Variants in FAM117B observed in about 807,000 individuals in gnomAD.
FAM117B encodes the protein family with sequence similarity 117 member B.
Under a neutral mutation model 52.8 loss-of-function variants are expected in FAM117B, and 22 were observed. That is an observed-to-expected ratio of 0.42 (90% confidence interval 0.30 to 0.59). The LOEUF (loss-of-function observed/expected upper bound fraction) is 0.59. FAM117B is among the 20% of genes least tolerant of loss of function. The pLI is 0.22. For missense variants in FAM117B, 678 were observed against 802.6 expected (o/e 0.84, Z 1.88); for synonymous variants, 309 against 324.1 (o/e 0.95, Z 0.50).
chr2:202,661,021 G>A (rs1295918978), intron 1 of FAM117B, among the ~76,000 whole-genome samples: 1 of 152,174 alleles, frequency 6.6e-6, no homozygotes, highest in African/African-American at 2.4e-5. Flanking sequence ...GTTTCTCCTG[G>A]ACTTTTTCCT....
chr2:202,741,090 A>C (rs1280937677), intron 4 of FAM117B, among the ~76,000 whole-genome samples: 1 of 152,150 alleles, frequency 6.6e-6, no homozygotes, highest in Non-Finnish European at 1.5e-5. Flanking sequence ...GGTATTAACT[A>C]ATACAGTTAG....
At chr2:202,668,096 T>C (rs1418708801) in intron 1 of FAM117B, among the ~76,000 whole-genome samples, 2 of 144,928 alleles carry the variant, frequency 1.4e-5, no homozygotes, top group Non-Finnish European at 3.0e-5. Context: ...TTTATAAAAA[T>C]ATATTTATAT....
chr2:202,657,540 G>C (rs1159066012), intron 1 of FAM117B, among the ~76,000 whole-genome samples: 1 of 152,124 alleles, frequency 6.6e-6, no homozygotes, highest in African/African-American at 2.4e-5. Flanking sequence ...ATGCTGGAAT[G>C]CAGTGGCACA....
intron 1 of FAM117B, among the ~76,000 whole-genome samples, chr2:202,658,134 A>C (rs188839525): frequency 1.7e-4 from 26 of 152,248 alleles, no homozygotes; most frequent in African/African-American, 5.8e-4. Flanking sequence ...TAAGGGGAGA[A>C]AAATGTTTTA....
At chr2:202,683,269 C>T (rs1323266173) in intron 1 of FAM117B, among the ~76,000 whole-genome samples, 1 of 151,744 alleles carries the variant, frequency 6.6e-6, no homozygotes, top group African/African-American at 2.4e-5. Context: ...GCGGAGGGTA[C>T]AGTCAGCCGA....
chr2:202,740,577 C>T (rs888246204), intron 4 of FAM117B, among the ~76,000 whole-genome samples: 1 of 151,992 alleles, frequency 6.6e-6, no homozygotes, highest in South Asian at 2.1e-4. Context: ...CCAGCTGCTG[C>T]CTAATTATTA....
chr2:202,680,857 A>G (rs926376307), intron 1 of FAM117B, among the ~76,000 whole-genome samples: 1 of 152,222 alleles, frequency 6.6e-6, no homozygotes, highest in African/African-American at 2.4e-5. Context: ...AAGGAAAATG[A>G]TCTCTGATAG....
intron 4 of FAM117B, 28 bp from the exon 5 acceptor site, chr2:202,755,510 C>G: frequency 6.2e-7 from 1 of 1,609,322 alleles, no homozygotes; most frequent in Non-Finnish European, 8.5e-7. Context: ...TAATGTTAAG[C>G]CTCTCTTCTC....
intron 1 of FAM117B, among the ~76,000 whole-genome samples, chr2:202,684,568 T>G (rs1690510746): frequency 6.6e-6 from 1 of 152,212 alleles, no homozygotes; most frequent in Non-Finnish European, 1.5e-5. Flanking sequence ...TTGTTTGAAA[T>G]CATTATGCCC....
At chr2:202,700,207 T>C (rs1183849322) in intron 2 of FAM117B, among the ~76,000 whole-genome samples, 1 of 152,184 alleles carries the variant, frequency 6.6e-6, no homozygotes, top group Non-Finnish European at 1.5e-5. Flanking sequence ...AAGCTAGACA[T>C]GATTGAGCTT....
At position 202,644,064 on chromosome 2, in the gene FAM117B, G is replaced by GTTTTT. The variant is rs1161026426; in HGVS notation, c.601+8292_601+8296dup. On this transcript the variant is annotated intron_variant, in intron 1 of 7. Transcript: ENST00000392238. Reference sequence around the variant, plus strand: ...CTGCTTTAGGAGCTGTTTTTTTTTTGTTTTTTTTTTTTTTTTTTTTCAGTT... The same window carrying GTTTTT: ...CTGCTTTAGGAGCTGTTTTTTTTTTGTTTTTTTTTTTTTTTTTTTTTTTTTCAGTT... 7.4e-5 allele frequency among the ~76,000 whole-genome samples: 7 copies of GTTTTT among 95,136 alleles called. 1 individual carries two copies. Among genetic ancestry groups the GTTTTT allele is most frequent in the African/African-American group, 2.3e-4 (5 of 22,202 alleles). The allele number at this position is 95,136 out of a possible 152,430, so 62.4% of individuals were successfully genotyped here.
chr2:202,757,420 G>C lies in FAM117B; in HGVS notation c.1312G>C (p.Val438Leu). The C allele has an allele frequency of 6.2e-7, 1 of 1,614,020 alleles. No individual in the cohort carries two copies. Among genetic ancestry groups the C allele is most frequent in the Non-Finnish European group, 8.5e-7 (1 of 1,179,992 alleles). ...ESPCSADDLLVDPRDKENGNN... is the reference protein window; with the variant it reads ...ESPCSADDLLLDPRDKENGNN... Reference sequence around the variant, plus strand: ...TCCTTGCTCAGCGGATGACCTGCTTGTTGATCCCAGAGATAAAGGTACAGT... The same window carrying C: ...TCCTTGCTCAGCGGATGACCTGCTTCTTGATCCCAGAGATAAAGGTACAGT... Residue 438 changes from valine to leucine, a missense_variant, in exon 6 of 8, where the codon GTT (valine) becomes CTT (leucine). Val to Leu is a conservative substitution (Grantham distance 32). This residue lies in a region of FAM117B where 583 missense variants were observed against 644.8 expected (regional missense o/e 0.90). Transcript: ENST00000392238.
chr2:202,667,560 C>T (rs1485290712), intron 1 of FAM117B, among the ~76,000 whole-genome samples: 1 of 152,022 alleles, frequency 6.6e-6, no homozygotes, highest in African/African-American at 2.4e-5. Context: ...CCAATTATTA[C>T]AATGAAGGTG....
At position 202,719,886 on chromosome 2, in the gene FAM117B, T is replaced by C. The variant is rs936200638; in HGVS notation, c.754-5031T>C. Reference sequence around the variant, plus strand: ...TGTAGACCAGTATTTTTTTGAATGTTGTCAACTTGGGTTTATATATTCCTT... The same window carrying C: ...TGTAGACCAGTATTTTTTTGAATGTCGTCAACTTGGGTTTATATATTCCTT... On this transcript the variant is annotated intron_variant, in intron 2 of 7. Transcript: ENST00000392238. Among the ~76,000 whole-genome samples, 7 of 152,272 alleles carry C rather than the reference T, an allele frequency of 4.6e-5. No individual in the cohort carries two copies. The East Asian group carries it at 1.2e-3, about 25-fold the overall frequency.
chr2:202,732,956 A>G (rs1465956366), intron 4 of FAM117B, among the ~76,000 whole-genome samples: 1 of 151,584 alleles, frequency 6.6e-6, no homozygotes, highest in Non-Finnish European at 1.5e-5. Context: ...ACCCATAGAG[A>G]TAGAGAATAG....
chr2:202,733,856 A>T (rs1413188640), intron 4 of FAM117B, among the ~76,000 whole-genome samples: 1 of 152,234 alleles, frequency 6.6e-6, no homozygotes, highest in Non-Finnish European at 1.5e-5. Flanking sequence ...TACAAAGATA[A>T]CAGGATTAAG....
Position 202,766,326 on chromosome 2 carries a change from TGTTGAC to T in FAM117B, c.*566_*571del, listed in dbSNP as rs1203005644. 6.5e-6 allele frequency: 1 copy of T among 152,974 alleles called. No homozygotes were observed. Among genetic ancestry groups the T allele is most frequent in the Non-Finnish European group, 1.5e-5 (1 of 68,336 alleles). 9.5% of individuals were successfully genotyped at this position (152,974 alleles called of 1,614,324 possible). On this transcript the variant is annotated 3_prime_UTR_variant, in exon 8 of 8. Transcript: ENST00000392238. ...TTTTCAGCTTTGGGACCAAAGGGAT[TGTTGAC>T]GTTTTCCCAGCAATCTTAATCTCAT...
chr2:202,723,763 T>A (rs1691187995), intron 2 of FAM117B, among the ~76,000 whole-genome samples: 2 of 152,210 alleles, frequency 1.3e-5, no homozygotes, highest in African/African-American at 4.8e-5. Flanking sequence ...GATGTGCATT[T>A]GGTATCTGTG....
chr2:202,635,353 C>G lies in FAM117B; in HGVS notation c.166C>G (p.Arg56Gly). 1 of 1,323,140 alleles carries G rather than the reference C, an allele frequency of 7.6e-7. No homozygotes were observed. The highest frequency in any genetic ancestry group is 9.7e-7 in the Non-Finnish European group (1 of 1,035,596). 82.0% of individuals were successfully genotyped at this position (1,323,140 alleles called of 1,614,324 possible). A position where few individuals can be genotyped will look rare whatever the true frequency, so the allele number is the denominator to read the frequency against. ...GCAGCAGCAACATGGCAGCCCCACG[C>G]GGAGCGGCGGCGGCGGCGGCGGCAA... ...QQQQQHGSPT[R>G]SGGGGGGNNN... The change falls in exon 1 of 8, where the codon CGG becomes GGG. Residue 56 changes from arginine to glycine, a missense_variant. Arg to Gly is a moderately radical substitution (Grantham distance 125, BLOSUM62 -2). Around this residue, in one of 3 missense-constraint regions of FAM117B, gnomAD observed 583 missense variants for 644.8 expected, o/e 0.90. Coordinates refer to ENST00000392238, the MANE Select transcript of FAM117B (RefSeq NM_173511.4).
Sources: gnomAD v4.1 joint callset for allele counts (sites outside exome capture counted in the v4.1 genomes callset) on GRCh38, gnomAD v4.1.1 for gene constraint, gnomAD v4.1.1 regional missense constraint, MANE v1.5 for transcripts, NCBI Gene and HGNC (gene_info 2026-07-23, HGNC 2026-07-21) for gene names.